TREML4: variants seen among roughly 807,000 people sequenced by gnomAD.
TREML4 encodes trem-like transcript 4 protein.
A neutral mutation model predicts 25.4 loss-of-function variants in TREML4; 25 were observed. The ratio of observed to expected loss-of-function variants is 0.98; its 90% confidence interval spans 0.72 to 1.37. The LOEUF (loss-of-function observed/expected upper bound fraction) is 1.37, where lower values mean the gene tolerates loss of function less well. Ranked by LOEUF, TREML4 falls within the 40% of genes most tolerant of loss-of-function variation. TREML4 has a pLI of 0.00. For missense variants in TREML4, 268 were observed against 236.5 expected (o/e 1.13, Z -0.87); for synonymous variants, 92 against 87.9 (o/e 1.05, Z -0.26).
In TREML4 at chr6:41,238,763, A is replaced by G. The variant is rs760030112; in HGVS notation, c.*1744A>G. 8 of 152,228 alleles carry G rather than the reference A, an allele frequency of 5.3e-5. No homozygotes were observed. Among genetic ancestry groups the G allele is most frequent in the Non-Finnish European group, 8.8e-5 (6 of 68,038 alleles). The allele number at this position is 152,228 out of a possible 1,614,324, so 9.4% of individuals were successfully genotyped here. On this transcript the variant is annotated 3_prime_UTR_variant, in exon 6 of 6. Coordinates refer to ENST00000341495, the MANE Select transcript of TREML4 (RefSeq NM_198153.3). ...CCTATGGAATGGTATTGCCAATTAA[A>G]AAAAAAATGGAAGGCAAGAATAAAC...
chr6:41,230,698 C>A (rs577282374), intron 4 of TREML4, among the ~76,000 whole-genome samples: 1 of 152,302 alleles, frequency 6.6e-6, no homozygotes, highest in South Asian at 2.1e-4. Flanking sequence ...TCTTCTCCTG[C>A]AAACTCCAGC....
At position 41,238,779 on chromosome 6, in the gene TREML4, A is replaced by C. The variant is rs189120177; in HGVS notation, c.*1760A>C. 1 of 152,356 alleles carries C rather than the reference A, an allele frequency of 6.6e-6. No homozygotes were observed. The highest frequency in any genetic ancestry group is 1.9e-4 in the East Asian group (1 of 5,188). The allele number at this position is 152,356 out of a possible 1,614,324, so 9.4% of individuals were successfully genotyped here. A position where few individuals can be genotyped will look rare whatever the true frequency, so the allele number is the denominator to read the frequency against. ...GCCAATTAAAAAAAAAATGGAAGGC[A>C]AGAATAAACGTAGCTGAGTGATGCT... On this transcript the variant is annotated 3_prime_UTR_variant, in exon 6 of 6. Transcript: ENST00000341495.
At position 41,236,505 on chromosome 6, in the gene TREML4, T is replaced by C. The variant is rs372418382; in HGVS notation, c.526T>C (p.Cys176Arg). ...CTGCAGGAAATCAAGAGCCCCTGCC[T>C]GCCTTGGCTCAGGTGGCCCCAGATT... ...SETRKSRAPA[C>R]LGSGGPRFLV... Residue 176 changes from cysteine to arginine, a missense_variant, in exon 5 of 6, where the codon TGC becomes CGC. Cys to Arg is a radical substitution (Grantham distance 180). Coordinates refer to ENST00000341495, the MANE Select transcript of TREML4 (RefSeq NM_198153.3). The C allele has an allele frequency of 1.9e-6, 3 of 1,614,002 alleles. No individual in the cohort carries two copies. The highest frequency in any genetic ancestry group is 2.2e-5 in the East Asian group (1 of 44,884).
chr6:41,236,815 T>C (rs1233133903), intron 5 of TREML4, among the ~76,000 whole-genome samples, 198 bp downstream of exon 5: 6 of 151,790 alleles, frequency 4.0e-5, no homozygotes, highest in African/African-American at 7.3e-5. Context: ...TTTCTGGGAG[T>C]CCCATCCCAG....
Position 41,236,517 on chromosome 6 carries a change from G to T in TREML4, c.538G>T (p.Gly180Cys). 6.2e-7 allele frequency: 1 copy of T among 1,614,164 alleles called. No individual in the cohort carries two copies. ...AAGAGCCCCTGCCTGCCTTGGCTCAGGTGGCCCCAGATTCCTGGTCTTGGT... is the reference window on the plus strand; with the variant it reads ...AAGAGCCCCTGCCTGCCTTGGCTCATGTGGCCCCAGATTCCTGGTCTTGGT... ...KSRAPACLGS[G>C]GPRFLVLVLC... is the part of the protein sequence containing the mutation. The change falls in exon 5 of 6, where the codon GGT becomes TGT. Residue 180 changes from glycine to cysteine, a missense_variant. Transcript: ENST00000341495.
In TREML4 at chr6:41,228,766, A is replaced by C. The variant is rs1766726801; in HGVS notation, c.116A>C (p.Gln39Pro). 1.2e-6 allele frequency: 2 copies of C among 1,613,968 alleles called. No homozygotes were observed. Among genetic ancestry groups the C allele is most frequent in the Admixed American group, 3.3e-5 (2 of 59,996 alleles). Reference sequence around the variant, plus strand: ...CACCCAGGACAGACCCTCCTCCTGCAATGCCAGTACTCACCCAAGAGAGGG... The same window carrying C: ...CACCCAGGACAGACCCTCCTCCTGCCATGCCAGTACTCACCCAAGAGAGGG... The part of the protein sequence containing the change: ...HKHPGQTLLL[Q>P]CQYSPKRGPY... The change falls in exon 2 of 6, where the codon CAA becomes CCA. Residue 39 changes from glutamine (Q) to proline (P), a missense_variant. Coordinates refer to ENST00000341495, the MANE Select transcript of TREML4 (RefSeq NM_198153.3).
Position 41,236,494 on chromosome 6 carries a change from G to C in TREML4, c.515G>C (p.Arg172Thr). The C allele has an allele frequency of 5.6e-6, 9 of 1,614,048 alleles. No individual in the cohort carries two copies. Among genetic ancestry groups the C allele is most frequent in the Non-Finnish European group, 7.6e-6 (9 of 1,179,966 alleles). ...CTCCTTCTTCCCTGCAGGAAATCAA[G>C]AGCCCCTGCCTGCCTTGGCTCAGGT... Reference protein sequence around the residue: ...SINGSETRKSRAPACLGSGGP... With the variant: ...SINGSETRKSTAPACLGSGGP... Residue 172 changes from arginine to threonine, a missense_variant, in exon 5 of 6, where the codon AGA (arginine) becomes ACA (threonine). Arg to Thr is a moderately conservative substitution (Grantham distance 71, BLOSUM62 -1). Transcript: ENST00000341495.
intron 1 of TREML4, 57 bp from the exon 2 acceptor site, chr6:41,228,657 G>T: frequency 1.3e-6 from 2 of 1,557,374 alleles, no homozygotes; most frequent in Non-Finnish European, 1.7e-6. Context: ...TGATGGGGGA[G>T]GTTGGGTCCC....
intron 3 of TREML4, among the ~76,000 whole-genome samples, chr6:41,229,795 G>C (rs922005984): frequency 4.6e-5 from 7 of 152,204 alleles, no homozygotes; most frequent in Admixed American, 1.3e-4. Flanking sequence ...TGATGGGAGG[G>C]TGTCCCCAGA....
At chr6:41,235,927 GA>G (rs1036160882) in intron 4 of TREML4, among the ~76,000 whole-genome samples, 30 of 152,294 alleles carry the variant, frequency 2.0e-4, no homozygotes, top group African/African-American at 7.2e-4. Flanking sequence ...GGCCACAAGA[GA>G]AAAGCAGATT....
At chr6:41,236,643 G>A (rs906213598) in intron 5 of TREML4, 26 bp downstream of exon 5, 6 of 1,348,590 alleles carry the variant, frequency 4.4e-6, no homozygotes, top group East Asian at 2.3e-5. Context: ...TTTCACCTGG[G>A]GGCAATGGAG....
At chr6:41,235,549 A>C (rs1766878462) in intron 4 of TREML4, among the ~76,000 whole-genome samples, 1 of 152,236 alleles carries the variant, frequency 6.6e-6, no homozygotes, top group Non-Finnish European at 1.5e-5. Context: ...TTAGAAAAAT[A>C]AGATCGTTTT....
In TREML4 at chr6:41,238,237, C is replaced by A. The variant is rs1461875160; in HGVS notation, c.*1218C>A. 2 of 152,192 alleles carry A rather than the reference C, an allele frequency of 1.3e-5. No individual in the cohort carries two copies. Among genetic ancestry groups the A allele is most frequent in the Non-Finnish European group, 2.9e-5 (2 of 68,030 alleles). 9.4% of individuals were successfully genotyped at this position (152,192 alleles called of 1,614,324 possible). On this transcript the variant is annotated 3_prime_UTR_variant, in exon 6 of 6. Coordinates refer to ENST00000341495, the MANE Select transcript of TREML4 (RefSeq NM_198153.3). ...TTTATTTATTTTTTTAATCCTCATT[C>A]CCTATGTCCACTTGCCTTCCTCTCC...
At chr6:41,232,235 C>T (rs1825409) in intron 4 of TREML4, 51,126 of 178,884 alleles carry the variant, frequency 0.29, 8,655 homozygotes, top group East Asian at 0.38. Flanking sequence ...AACATCCCCA[C>T]TGAAAACACT....
chr6:41,236,163 C>G (rs1478335438), intron 4 of TREML4, among the ~76,000 whole-genome samples: 5 of 104,082 alleles, frequency 4.8e-5, no homozygotes, highest in Admixed American at 1.9e-4. Flanking sequence ...TTCCTAAGGT[C>G]GGATGGTCCC....
intron 2 of TREML4, 121 bp from the exon 3 acceptor site, chr6:41,229,400 C>T: frequency 4.7e-6 from 5 of 1,058,178 alleles, no homozygotes; most frequent in Non-Finnish European, 7.4e-6. Flanking sequence ...GCACAGACCA[C>T]TCCTGGCTTA....
chr6:41,236,932 G>C (rs1461673006), intron 5 of TREML4, 123 bp from the exon 6 acceptor site: 1 of 178,654 alleles, frequency 5.6e-6, no homozygotes, highest in Admixed American at 5.9e-5. Context: ...AAGGAAGCAG[G>C]TGACAGGGAG....
At position 41,228,738 on chromosome 6, in the gene TREML4, A is replaced by C. The variant is rs576065843; in HGVS notation, c.88A>C (p.Lys30Gln). 2 of 1,613,540 alleles carry C rather than the reference A, an allele frequency of 1.2e-6. No homozygotes were observed. The highest frequency in any genetic ancestry group is 1.7e-6 in the Non-Finnish European group (2 of 1,179,750). The stretch of plus-strand genomic sequence containing the variant: ...GGGTGCTGTGCCTGAAGAACTTCAC[A>C]AACACCCAGGACAGACCCTCCTCCT... ...PQGAVPEELH[K>Q]HPGQTLLLQC... Residue 30 changes from lysine to glutamine, a missense_variant, in exon 2 of 6, where the codon AAA (lysine) becomes CAA (glutamine). Physicochemically the swap from Lys to Gln is moderately conservative, Grantham distance 53 (BLOSUM62 1). Transcript: ENST00000341495.
intron 1 of TREML4, 35 bp from the exon 2 acceptor site, chr6:41,228,679 G>T: frequency 6.3e-7 from 1 of 1,592,258 alleles, no homozygotes; most frequent in South Asian, 1.1e-5. Context: ...TCAGAGCTCT[G>T]ACCTGGGTTT....
Sources: allele counts gnomAD v4.1 joint callset (sites outside exome capture counted in the v4.1 genomes callset), GRCh38; gene constraint gnomAD v4.1.1; transcripts MANE v1.5; gene names NCBI Gene and HGNC (gene_info 2026-07-23, HGNC 2026-07-21).